Variants in OPCML observed in about 807,000 individuals in gnomAD.
The protein encoded by OPCML is opioid-binding protein/cell adhesion molecule.
A neutral mutation model predicts 37.8 loss-of-function variants in OPCML; 13 were observed. The ratio of observed to expected loss-of-function variants is 0.34; its 90% CI spans 0.22 to 0.55. OPCML has a LOEUF of 0.55. Ranked by LOEUF, OPCML falls within the 20% of genes least tolerant of loss-of-function variation. The pLI, the probability that OPCML is intolerant of heterozygous loss-of-function variation, is 0.91. For synonymous variants in OPCML, 176 were observed against 168.8 expected (o/e 1.04, Z -0.33); for missense variants, 341 against 435.6 (o/e 0.78, Z 1.93).
chr11:133,151,861 G>A (rs966215276), intron 1 of OPCML, among the ~76,000 whole-genome samples: 1 of 152,154 alleles, frequency 6.6e-6, no homozygotes, highest in Non-Finnish European at 1.5e-5. Flanking sequence ...AAAGACCCCA[G>A]GCCCTCAGAA....
At chr11:132,980,945 A>G (rs1946568710) in intron 1 of OPCML, among the ~76,000 whole-genome samples, 1 of 152,264 alleles carries the variant, frequency 6.6e-6, no homozygotes, top group Non-Finnish European at 1.5e-5. Context: ...TTGTGCAAAC[A>G]TCAGAGAGCA....
chr11:132,436,064 C>T (rs752634223), intron 7 of OPCML, 22 bp downstream of exon 7: 1 of 1,605,492 alleles, frequency 6.2e-7, no homozygotes, highest in Non-Finnish European at 8.5e-7. Context: ...GAGCCCACTG[C>T]ATCCAGGCTT....
intron 3 of OPCML, among the ~76,000 whole-genome samples, chr11:132,573,626 G>C (rs2096443426): frequency 6.6e-6 from 1 of 151,722 alleles, no homozygotes; most frequent in African/African-American, 2.4e-5. Context: ...TGTCCAATTT[G>C]GTTTGCTAAC....
At position 132,626,355 on chromosome 11, in the gene OPCML, G is replaced by A. The variant is rs563275678; in HGVS notation, c.379+30732C>T. Among the ~76,000 whole-genome samples, 5 of 152,094 alleles carry A rather than the reference G, an allele frequency of 3.3e-5. No homozygotes were observed. In the South Asian group the frequency reaches 1.0e-3, roughly 32 times the overall value. The stretch of plus-strand genomic sequence containing the variant: ...GGCACTCCAAGGAGCTGTAGAGGCT[G>A]GGGCATAGGGGGAAGATAAAGCTGG... On this transcript the variant is annotated intron_variant, in intron 3 of 7. Coordinates refer to ENST00000524381, the MANE Select transcript of OPCML (RefSeq NM_001012393.5).
At chr11:132,837,355 T>C (rs1941073622) in intron 2 of OPCML, among the ~76,000 whole-genome samples, 1 of 151,924 alleles carries the variant, frequency 6.6e-6, no homozygotes, top group Non-Finnish European at 1.5e-5. Context: ...AACAAAACAG[T>C]AATCATGACA....
chr11:133,202,628 C>T (rs1206185255), intron 1 of OPCML, among the ~76,000 whole-genome samples: 2 of 152,212 alleles, frequency 1.3e-5, no homozygotes, highest in South Asian at 4.1e-4. Flanking sequence ...TCGATGATTT[C>T]AAGGTAATGT....
chr11:133,310,964 A>G (rs1211329348), intron 1 of OPCML, among the ~76,000 whole-genome samples: 5 of 152,232 alleles, frequency 3.3e-5, no homozygotes, highest in Non-Finnish European at 4.4e-5. Context: ...ATAACATTGC[A>G]CTATTTGAGA....
intron 3 of OPCML, among the ~76,000 whole-genome samples, chr11:132,630,183 A>T (rs1398226069): frequency 6.6e-6 from 1 of 152,244 alleles, no homozygotes; most frequent in African/African-American, 2.4e-5. Flanking sequence ...TTACTAAAGA[A>T]TAACAAACAT....
At chr11:133,141,024 C>A (rs1406653568) in intron 1 of OPCML, among the ~76,000 whole-genome samples, 198 of 8,676 alleles carry the variant, frequency 0.023, 53 homozygotes, top group African/African-American at 0.04. Context: ...ACGACGACGA[C>A]GACGACGACG....
intron 1 of OPCML, among the ~76,000 whole-genome samples, chr11:133,237,360 G>C (rs181052485): frequency 2.0e-5 from 3 of 152,358 alleles, no homozygotes; most frequent in Admixed American, 2.0e-4. Flanking sequence ...CAAGGGTTCA[G>C]TGAGCATTTC....
chr11:132,775,875 A>G (rs535450659), intron 2 of OPCML, among the ~76,000 whole-genome samples: 2 of 152,338 alleles, frequency 1.3e-5, no homozygotes, highest in Admixed American at 1.3e-4. Flanking sequence ...TAGATATATA[A>G]GTTAAAGTAC....
chr11:132,452,572 C>A (rs535768132), intron 4 of OPCML, among the ~76,000 whole-genome samples: 1 of 149,808 alleles, frequency 6.7e-6, no homozygotes, highest in Non-Finnish European at 1.5e-5. Context: ...TTCCTTCCTG[C>A]CTGCCTTCCT....
chr11:133,475,023 C>T (rs77341735), intron 1 of OPCML, among the ~76,000 whole-genome samples: 4,688 of 152,180 alleles, frequency 0.031, 185 homozygotes, highest in East Asian at 0.093. Flanking sequence ...TTTGGCAATC[C>T]GTGGGACATG....
At chr11:132,559,143 A>T (rs940572280) in intron 3 of OPCML, among the ~76,000 whole-genome samples, 1 of 152,028 alleles carries the variant, frequency 6.6e-6, no homozygotes, top group Non-Finnish European at 1.5e-5. Context: ...GAAAAGAGTG[A>T]GAGGGAGAGA....
chr11:132,681,569 A>AT (rs1942943708), intron 2 of OPCML, among the ~76,000 whole-genome samples: 1 of 152,084 alleles, frequency 6.6e-6, no homozygotes, highest in Non-Finnish European at 1.5e-5. Flanking sequence ...CACATCGGCA[A>AT]TAAAATCCTC....
chr11:133,109,135 T>C (rs998652949), intron 1 of OPCML, among the ~76,000 whole-genome samples: 2 of 152,240 alleles, frequency 1.3e-5, no homozygotes, highest in African/African-American at 4.8e-5. Flanking sequence ...GGTTAGTTTT[T>C]ATTACCTGCT....
intron 3 of OPCML, among the ~76,000 whole-genome samples, chr11:132,564,488 G>A (rs541343786): frequency 9.2e-5 from 14 of 152,172 alleles, no homozygotes; most frequent in Admixed American, 5.2e-4. Flanking sequence ...TCTTATGCAA[G>A]AAGGGCTCAG....
At chr11:133,187,392 T>TA (rs2136295701) in intron 1 of OPCML, among the ~76,000 whole-genome samples, 1 of 152,258 alleles carries the variant, frequency 6.6e-6, no homozygotes, top group Admixed American at 6.5e-5. Flanking sequence ...GATGATCCAC[T>TA]CTGCAGTGCA....
intron 1 of OPCML, among the ~76,000 whole-genome samples, chr11:133,190,256 A>G (rs937053889): frequency 6.6e-6 from 1 of 152,226 alleles, no homozygotes. Context: ...GCTTGGTTCC[A>G]TCTTGCAAGG....
Sources: allele counts gnomAD v4.1 joint callset (sites outside exome capture counted in the v4.1 genomes callset), GRCh38; gene constraint gnomAD v4.1.1; transcripts MANE v1.5; gene names NCBI Gene and HGNC (gene_info 2026-07-23, HGNC 2026-07-21).